The following CBFA2T3 variants were observed in gnomAD, a reference collection of about 807,000 sequenced individuals.
CBFA2T3 encodes transcriptional corepressor CBFA2T3.
In CBFA2T3, 31 loss-of-function variants were observed where a neutral mutation model predicts 58.6. The ratio of observed to expected loss-of-function variants is 0.53; its 90% CI spans 0.40 to 0.71. The LOEUF (loss-of-function observed/expected upper bound fraction) is 0.71. Among genes scored for constraint, CBFA2T3 ranks in the 30% least tolerant of loss-of-function variants. CBFA2T3 has a pLI of 0.00. For missense variants in CBFA2T3, 1,076 were observed against 963.1 expected, an observed-to-expected ratio of 1.12 and a Z score of -1.55; for synonymous variants, 531 against 421.9, an observed-to-expected ratio of 1.26 and a Z score of -3.17.
At chr16:88,975,390 C>G (rs1233460439) in intron 1 of CBFA2T3, among the ~76,000 whole-genome samples, 2 of 152,236 alleles carry the variant, frequency 1.3e-5, no homozygotes, top group Admixed American at 6.5e-5. Context: ...AGCGGCGGCT[C>G]TCCATGCGCC....
intron 1 of CBFA2T3, among the ~76,000 whole-genome samples, chr16:88,943,618 A>G (rs1015541028): frequency 6.6e-5 from 10 of 152,334 alleles, no homozygotes; most frequent in African/African-American, 2.4e-4. Context: ...CAGGGTGGTC[A>G]GATGGTCCTG....
At chr16:88,890,894 TG>T (rs1362878796) in intron 5 of CBFA2T3, among the ~76,000 whole-genome samples, 1 of 152,136 alleles carries the variant, frequency 6.6e-6, no homozygotes, top group African/African-American at 2.4e-5. Context: ...TTATATTTTT[TG>T]TAGAGATGGG....
intron 1 of CBFA2T3, among the ~76,000 whole-genome samples, chr16:88,951,690 G>A (rs1972077713): frequency 6.6e-6 from 1 of 152,060 alleles, no homozygotes; most frequent in Non-Finnish European, 1.5e-5. Context: ...CCAGCGATTG[G>A]TCCAGGAGGA....
intron 10 of CBFA2T3, chr16:88,879,791 C>G: frequency 3.4e-6 from 1 of 294,502 alleles, no homozygotes; most frequent in Non-Finnish European, 6.4e-6. Context: ...TCCCCAGGCA[C>G]TGCACCCCTG....
intron 1 of CBFA2T3, among the ~76,000 whole-genome samples, chr16:88,903,324 T>G (rs1970173090): frequency 6.6e-6 from 1 of 152,214 alleles, no homozygotes; most frequent in South Asian, 2.1e-4. Context: ...CAGTGGCGCC[T>G]GGGCTCTAAC....
chr16:88,887,521 C>G (rs558986845), intron 5 of CBFA2T3, among the ~76,000 whole-genome samples: 1 of 152,130 alleles, frequency 6.6e-6, no homozygotes, highest in African/African-American at 2.4e-5. Context: ...GAAGGCCTGA[C>G]CCTTGGGCTG....
chr16:88,895,742 T>C (rs1015986896), intron 3 of CBFA2T3, among the ~76,000 whole-genome samples: 25 of 152,168 alleles, frequency 1.6e-4, no homozygotes, highest in African/African-American at 5.5e-4. Context: ...CGGGGGATGC[T>C]ACAGAGGCCC....
chr16:88,920,402 G>A (rs187804660), intron 1 of CBFA2T3, among the ~76,000 whole-genome samples: 24 of 151,800 alleles, frequency 1.6e-4, no homozygotes, highest in African/African-American at 5.6e-4. Flanking sequence ...TCAGCCTCCC[G>A]AGTAGCTGAG....
At chr16:88,936,584 C>T (rs922170267) in intron 1 of CBFA2T3, among the ~76,000 whole-genome samples, 6 of 152,210 alleles carry the variant, frequency 3.9e-5, no homozygotes, top group African/African-American at 7.2e-5. Context: ...GGGGCAGAAC[C>T]GGCCCTGGGT....
At position 88,977,136 on chromosome 16, in the gene CBFA2T3, G is replaced by T. The variant is rs1042234894; in HGVS notation, c.-329C>A. On this transcript the variant is annotated 5_prime_UTR_variant, in exon 1 of 12. Transcript: ENST00000268679. ...GCCGGGGCCGGAGGCCTGCAGCTGC[G>T]CCCGCCACTTCCCTGACAGGAACCA... The T allele has an allele frequency of 6.4e-6, 2 of 313,698 alleles. No homozygotes were observed. The highest frequency in any genetic ancestry group is 1.2e-5 in the Non-Finnish European group (2 of 167,940). The allele number at this position is 313,698 out of a possible 1,614,324, so 19.4% of individuals were successfully genotyped here.
intron 2 of CBFA2T3, among the ~76,000 whole-genome samples, chr16:88,899,683 G>A (rs945745889): frequency 1.3e-5 from 2 of 152,222 alleles, no homozygotes; most frequent in African/African-American, 2.4e-5. Context: ...CCAGGGAAGA[G>A]CAGGTGGGGG....
chr16:88,969,470 G>A (rs943053514), intron 1 of CBFA2T3, among the ~76,000 whole-genome samples: 3 of 152,242 alleles, frequency 2.0e-5, no homozygotes, highest in African/African-American at 4.8e-5. Context: ...CAGGAAGAGG[G>A]TCTTTCCTCA....
In CBFA2T3 at chr16:88,881,484, C is replaced by G. The variant is rs776378149; in HGVS notation, c.1209G>C (p.Leu403=). The G allele has an allele frequency of 6.2e-7, 1 of 1,601,992 alleles. No homozygotes were observed. Among genetic ancestry groups the G allele is most frequent in the South Asian group, 1.1e-5 (1 of 90,816 alleles). ...TCTCCACCATGTCCATGATGCAGTT[C>G]AGGAGCTGGGGGCGGGCGGCGCAGC... ...AEEWKHLNNL[L]NCIMDMVEKT... is the part of the protein sequence containing the mutation. The change falls in exon 9 of 12, where the codon CTG becomes CTC. Residue 403 remains leucine, a synonymous_variant. Transcript: ENST00000268679.
chr16:88,877,349 CA>C (rs1968879508), intron 11 of CBFA2T3, 74 bp from the exon 12 acceptor site: 1 of 1,223,698 alleles, frequency 8.2e-7, no homozygotes, highest in African/African-American at 1.6e-5. Flanking sequence ...TCAACCAAGC[CA>C]TTCAGACCCA....
At position 88,879,380 on chromosome 16, in the gene CBFA2T3, C is replaced by T. The variant is rs774310781; in HGVS notation, c.1552G>A (p.Glu518Lys). 7.2e-5 allele frequency: 116 copies of T among 1,613,066 alleles called. No homozygotes were observed. The highest frequency in any genetic ancestry group is 9.2e-5 in the Non-Finnish European group (109 of 1,179,884). ...AVSDAERKAHELITTERAKME... is the reference protein window; with the variant it reads ...AVSDAERKAHKLITTERAKME... ...TTGGCACGCTCCGTGGTGATGAGCT[C>T]GTGCGCTTTGCGCTCCGCGTCCGAC... The change falls in exon 11 of 12, where the codon GAG becomes AAG. Residue 518 changes from glutamate to lysine, a missense_variant. Glu to Lys is a moderately conservative substitution (Grantham distance 56, BLOSUM62 1). Transcript: ENST00000268679.
At chr16:88,894,779 C>T (rs1176232419) in intron 3 of CBFA2T3, among the ~76,000 whole-genome samples, 1 of 152,388 alleles carries the variant, frequency 6.6e-6, no homozygotes, top group South Asian at 2.1e-4. Flanking sequence ...CGAATTCCTC[C>T]GAGGCCCCAG....
At chr16:88,886,324 G>A (rs947654339) in intron 5 of CBFA2T3, 182 bp from the exon 6 acceptor site, 6 of 431,948 alleles carry the variant, frequency 1.4e-5, no homozygotes, top group South Asian at 5.0e-5. Context: ...GGAGGGTGGC[G>A]TGGGAGGGTG....
In CBFA2T3 at chr16:88,885,095, G is replaced by A. The variant is rs762057993; in HGVS notation, c.1068C>T (p.Ala356=). The A allele has an allele frequency of 6.2e-7, 1 of 1,602,654 alleles. No homozygotes were observed. The highest frequency in any genetic ancestry group is 8.5e-7 in the Non-Finnish European group (1 of 1,177,638). ...DIAMAHHFRD[A]YRHPDPRELR... ...GCTCCCGGGGGTCTGGGTGGCGGTA[G>A]GCATCTCGGAAGTGGTGGGCCATGG... The change falls in exon 7 of 12, where the codon GCC becomes GCT. Residue 356 remains alanine (A), a synonymous_variant. Transcript: ENST00000268679. The surrounding 1 kb of genome is among the most constrained non-coding windows in gnomAD (Gnocchi z 5.3).
chr16:88,898,435 G>A (rs1188052094), intron 2 of CBFA2T3, among the ~76,000 whole-genome samples: 1 of 152,234 alleles, frequency 6.6e-6, no homozygotes, highest in Non-Finnish European at 1.5e-5. Context: ...GTCACCACCT[G>A]GGGCCAGGCC....
Sources: gnomAD v4.1 joint callset for allele counts (sites outside exome capture counted in the v4.1 genomes callset) on GRCh38, gnomAD v4.1.1 for gene constraint, Gnocchi (gnomAD v3.1) non-coding constraint, MANE v1.5 for transcripts, NCBI Gene and HGNC (gene_info 2026-07-23, HGNC 2026-07-21) for gene names.